CHEK1: variants seen among roughly 807,000 people sequenced by gnomAD.
CHEK1 encodes the protein serine/threonine-protein kinase Chk1.
Under a neutral mutation model 60.2 loss-of-function variants are expected in CHEK1, and 32 were observed. The ratio of observed to expected loss-of-function variants is 0.53; its 90% CI spans 0.40 to 0.71. The LOEUF (loss-of-function observed/expected upper bound fraction) is 0.71. Among genes scored for constraint, CHEK1 ranks in the 30% least tolerant of loss-of-function variants. The probability of loss-of-function intolerance (pLI) is 0.00; values close to 1 mark genes in which losing one functional copy is unlikely to be tolerated. For synonymous variants in CHEK1, 179 were observed against 187.2 expected (o/e 0.96, Z 0.36); for missense variants, 399 against 564.6 (o/e 0.71, Z 2.97).
At chr11:125,677,743 T>G (rs113815699), downstream of CHEK1, 26 of 1,600,500 alleles carry the variant, frequency 1.6e-5, 1 homozygote, top group Middle Eastern at 3.3e-4. Context: ...TCTTGATGTG[T>G]TCCCCATTTC....
intron 13 of CHEK1, among the ~76,000 whole-genome samples, chr11:125,665,869 CTTTTTTTTTTTTT>C (rs66560397): frequency 9.8e-5 from 3 of 30,514 alleles, no homozygotes; most frequent in African/African-American, 1.4e-4. Flanking sequence ...CTTCATTCCC[CTTTTTTTTTTTTT>C]TTTTTTTTTT....
chr11:125,663,982 A>G (rs1942057179), intron 13 of CHEK1, among the ~76,000 whole-genome samples: 3 of 151,836 alleles, frequency 2.0e-5, no homozygotes, highest in Admixed American at 6.6e-5. Context: ...GTTTTTGTCA[A>G]CTTGGTCGAA....
chr11:125,658,066 G>C (rs1941951266), downstream of CHEK1, among the ~76,000 whole-genome samples: 1 of 152,020 alleles, frequency 6.6e-6, no homozygotes, highest in African/African-American at 2.4e-5. Flanking sequence ...TTTTGTTTTT[G>C]TTAATGTTTT....
rs1359467588 is a variant in CHEK1, at chr11:125,653,924, A to G, written c.1335+77A>G. 4.9e-5 allele frequency: 38 copies of G among 775,716 alleles called. No homozygotes were observed. The East Asian group carries it at 1.0e-3, about 21-fold the overall frequency. 48.1% of individuals were successfully genotyped at this position (775,716 alleles called of 1,614,324 possible). On this transcript the variant is annotated intron_variant, in intron 12 of 12. Coordinates refer to ENST00000438015, the MANE Select transcript of CHEK1 (RefSeq NM_001114122.3). The surrounding 1 kb of genome is among the most constrained non-coding windows in gnomAD (Gnocchi z 4.3). ...TTTTTTAATGGCATTATGTTTGTAT[A>G]TATGTGGCATTTGTAAATAGGTTAC...
Position 125,644,494 on chromosome 11 carries a change from C to G in CHEK1, c.1102-18C>G. On this transcript the variant is annotated intron_variant, in intron 10 of 12. Transcript: ENST00000438015. Reference sequence around the variant, plus strand: ...AGTCCTAATGGATTTATTCATTTGTCTTCTGTTTGACATGTAGAACCCCTG... The same window carrying G: ...AGTCCTAATGGATTTATTCATTTGTGTTCTGTTTGACATGTAGAACCCCTG... The G allele has an allele frequency of 6.2e-7, 1 of 1,610,516 alleles. No individual in the cohort carries two copies. The highest frequency in any genetic ancestry group is 1.1e-5 in the South Asian group (1 of 90,336).
At chr11:125,635,593 T>G in intron 7 of CHEK1, 60 bp downstream of exon 7, 1 of 1,108,782 alleles carries the variant, frequency 9.0e-7, no homozygotes, top group South Asian at 1.7e-5. Flanking sequence ...TCTTGTGCTA[T>G]TTGAATTTTT....
chr11:125,639,699 C>G (rs1941209607), intron 8 of CHEK1, among the ~76,000 whole-genome samples: 1 of 152,090 alleles, frequency 6.6e-6, no homozygotes, highest in South Asian at 2.1e-4. Context: ...TTCTCTCCAT[C>G]CTCACTCTCA....
chr11:125,659,281 CT>C (rs201141988), downstream of CHEK1, among the ~76,000 whole-genome samples: 492 of 151,768 alleles, frequency 3.2e-3, 1 homozygote, highest in African/African-American at 0.011. Flanking sequence ...TCTTTATTCC[CT>C]TTTTTTTCTC....
At chr11:125,667,112 A>G (rs1942113892) in intron 13 of CHEK1, among the ~76,000 whole-genome samples, 1 of 152,006 alleles carries the variant, frequency 6.6e-6, no homozygotes, top group African/African-American at 2.4e-5. Flanking sequence ...CAAGGCAGTA[A>G]GCATAGTACC....
chr11:125,671,835 A>G (rs1406769835), intron 13 of CHEK1: 1 of 152,210 alleles, frequency 6.6e-6, no homozygotes, highest in Non-Finnish European at 1.5e-5. Context: ...ATCAGATGAG[A>G]CCGTGTATGT....
chr11:125,674,899 T>G (rs780722746), intron 13 of CHEK1, among the ~76,000 whole-genome samples: 2 of 152,234 alleles, frequency 1.3e-5, no homozygotes, highest in Non-Finnish European at 2.9e-5. Flanking sequence ...ATCTTCTATG[T>G]CTCTGCTCAC....
chr11:125,674,633 CTG>C (rs1942395066), intron 13 of CHEK1, among the ~76,000 whole-genome samples: 1 of 152,320 alleles, frequency 6.6e-6, no homozygotes, highest in Non-Finnish European at 1.5e-5. Flanking sequence ...CTTGTGTCCA[CTG>C]TAACTTGCTT....
chr11:125,674,146 A>G (rs928780001), intron 13 of CHEK1, among the ~76,000 whole-genome samples: 2 of 152,206 alleles, frequency 1.3e-5, no homozygotes, highest in Admixed American at 6.5e-5. Flanking sequence ...ATCTCAAAAA[A>G]AAAATTAACG....
At chr11:125,650,080 C>T (rs1169065193) in intron 11 of CHEK1, among the ~76,000 whole-genome samples, 1 of 151,382 alleles carries the variant, frequency 6.6e-6, no homozygotes, top group African/African-American at 2.4e-5. Context: ...CGTTGAGCTT[C>T]TTGGATATGT....
chr11:125,679,006 A>C (rs1361556027), downstream of CHEK1, among the ~76,000 whole-genome samples: 1 of 144,548 alleles, frequency 6.9e-6, no homozygotes, highest in Non-Finnish European at 1.5e-5. Flanking sequence ...ATAGACACAC[A>C]CACATATATG....
At chr11:125,637,581 G>A (rs201098237) in intron 8 of CHEK1, 37 bp downstream of exon 8, 1 of 1,489,064 alleles carries the variant, frequency 6.7e-7, no homozygotes, top group Non-Finnish European at 9.2e-7. Flanking sequence ...TTGTTTTTCT[G>A]TGGAAGAAAA....
At chr11:125,667,782 G>A (rs564221) in intron 13 of CHEK1, among the ~76,000 whole-genome samples, 48,324 of 151,790 alleles carry the variant, frequency 0.32, 7,950 homozygotes, top group East Asian at 0.42. Context: ...CACCACGCCC[G>A]GCTAATTTTT....
chr11:125,654,742 A>T (rs765366859), intron 12 of CHEK1, among the ~76,000 whole-genome samples: 1 of 152,184 alleles, frequency 6.6e-6, no homozygotes, highest in Non-Finnish European at 1.5e-5. Flanking sequence ...TACTCTTTGT[A>T]TTAGAGATTT....
rs1208925033 is a variant in CHEK1 at position 125,625,469 on chromosome 11, C to T, written c.-564C>T. 2 of 354,910 alleles carry T rather than the reference C, an allele frequency of 5.6e-6. No individual in the cohort carries two copies. The highest frequency in any genetic ancestry group is 8.5e-5 in the Admixed American group (2 of 23,618). The allele number at this position is 354,910 out of a possible 1,614,324, so 22.0% of individuals were successfully genotyped here. A position where few individuals can be genotyped will look rare whatever the true frequency, so the allele number is the denominator to read the frequency against. On this transcript the variant is annotated 5_prime_UTR_variant, in exon 1 of 13. Transcript: ENST00000438015. Reference sequence around the variant, plus strand: ...GGCTCTCAGCAGCTGCTGCTGGTTTCTCGGCTCCAGCACCACGAGTACCGC... The same window carrying T: ...GGCTCTCAGCAGCTGCTGCTGGTTTTTCGGCTCCAGCACCACGAGTACCGC...
Sources: gnomAD v4.1 joint callset for allele counts (sites outside exome capture counted in the v4.1 genomes callset) on GRCh38, gnomAD v4.1.1 for gene constraint, Gnocchi (gnomAD v3.1) non-coding constraint, MANE v1.5 for transcripts, NCBI Gene and HGNC (gene_info 2026-07-23, HGNC 2026-07-21) for gene names.